LRRC4C: variants seen among roughly 807,000 people sequenced by gnomAD.
The protein encoded by LRRC4C is leucine rich repeat containing 4C, also known as leucine-rich repeat-containing protein 4C.
Under a neutral mutation model 33.6 loss-of-function variants are expected in LRRC4C, and 5 were observed. The observed-to-expected ratio is 0.15, with a 90% confidence interval of 0.08 to 0.31. The LOEUF (loss-of-function observed/expected upper bound fraction) is 0.31. Ranked by LOEUF, LRRC4C falls within the 10% of genes least tolerant of loss-of-function variation. The pLI is 1.00. For synonymous variants in LRRC4C, 329 were observed against 302.0 expected (o/e 1.09, Z -0.93); for missense variants, 560 against 796.7 (o/e 0.70, Z 3.58).
At chr11:40,645,401 T>C (rs551252160) in intron 3 of LRRC4C, among the ~76,000 whole-genome samples, 26 of 152,286 alleles carry the variant, frequency 1.7e-4, no homozygotes, top group African/African-American at 6.3e-4. Context: ...TTTGAGATGC[T>C]GGGTCTCGGT....
chr11:41,216,087 C>T (rs143969289), intron 1 of LRRC4C, among the ~76,000 whole-genome samples: 57 of 152,278 alleles, frequency 3.7e-4, no homozygotes, highest in African/African-American at 1.1e-3. Flanking sequence ...GATATTTTAC[C>T]TTCTTAAAGA....
chr11:40,584,416 A>G (rs982344079), intron 3 of LRRC4C, among the ~76,000 whole-genome samples: 3 of 151,780 alleles, frequency 2.0e-5, no homozygotes, highest in Non-Finnish European at 2.9e-5. Flanking sequence ...TACTAGCTTG[A>G]TGACAGTATT....
chr11:40,385,339 A>G (rs1167056585), intron 3 of LRRC4C, among the ~76,000 whole-genome samples: 1 of 152,254 alleles, frequency 6.6e-6, no homozygotes, highest in Non-Finnish European at 1.5e-5. Context: ...AACTTTTTTC[A>G]TCTGCTTAGC....
chr11:41,302,836 T>A (rs1950322911), intron 1 of LRRC4C, among the ~76,000 whole-genome samples: 1 of 152,148 alleles, frequency 6.6e-6, no homozygotes, highest in Non-Finnish European at 1.5e-5. Context: ...AATATCACAA[T>A]TGCCCACTAT....
chr11:40,219,486 G>A (rs1244275122), intron 5 of LRRC4C, among the ~76,000 whole-genome samples: 6 of 152,086 alleles, frequency 3.9e-5, no homozygotes, highest in Non-Finnish European at 7.4e-5. Context: ...TCCTTGGCCC[G>A]TATGAGATAT....
In LRRC4C at chr11:40,585,691, C is replaced by T. The variant is rs536713154; in HGVS notation, c.-270+62451G>A. ...CCTGTGTCCATGTGATCTCATTGTT[C>T]AATTCCCACCTATGAGGGAGAATAT... On this transcript the variant is annotated intron_variant, in intron 3 of 6. Transcript: ENST00000528697. Among the ~76,000 whole-genome samples the T allele has an allele frequency of 4.9e-4, 67 of 137,312 alleles. 1 individual carries two copies. The highest frequency in any genetic ancestry group is 1.7e-3 in the African/African-American group (65 of 37,172). The allele number at this position is 137,312 out of a possible 152,430, so 90.1% of individuals were successfully genotyped here.
chr11:41,162,610 T>A lies in LRRC4C; in HGVS notation c.-495-228887A>T, dbSNP rs543517608. On this transcript the variant is annotated intron_variant, in intron 1 of 6. Coordinates refer to ENST00000528697, the MANE Select transcript of LRRC4C (RefSeq NM_001258419.2). ...CTGTACGGTATGTTATTGTATCATATTGTAGGCAAGTAACACAATGGCAAT... is the reference window on the plus strand; with the variant it reads ...CTGTACGGTATGTTATTGTATCATAATGTAGGCAAGTAACACAATGGCAAT... 3.3e-4 allele frequency among the ~76,000 whole-genome samples: 50 copies of A among 152,338 alleles called. No individual in the cohort carries two copies. In the South Asian group the frequency reaches 9.9e-3, roughly 30 times the overall value.
intron 3 of LRRC4C, among the ~76,000 whole-genome samples, chr11:40,632,931 G>A (rs113825128): frequency 2.9e-3 from 438 of 152,322 alleles, no homozygotes; most frequent in African/African-American, 0.01. Flanking sequence ...ACAGACTTTA[G>A]AATGGGAATT....
intron 3 of LRRC4C, among the ~76,000 whole-genome samples, chr11:40,421,644 A>C (rs565178270): frequency 6.6e-6 from 1 of 152,334 alleles, no homozygotes; most frequent in South Asian, 2.1e-4. Context: ...TCATCGACCC[A>C]CAACTTTTTC....
At chr11:40,853,882 G>T (rs545650409) in intron 2 of LRRC4C, among the ~76,000 whole-genome samples, 10 of 152,088 alleles carry the variant, frequency 6.6e-5, no homozygotes, top group African/African-American at 9.7e-5. Context: ...AAAGACAGGT[G>T]GTAGAAGGAT....
rs1591785510 is a variant in LRRC4C at position 40,812,068 on chromosome 11, T to C, written c.-407+121567A>G. On this transcript the variant is annotated intron_variant, in intron 2 of 6. Coordinates refer to ENST00000528697, the MANE Select transcript of LRRC4C (RefSeq NM_001258419.2). ...CTTCTCTCTAATTGCTATTGCATTG[T>C]AAGTACTGCCCAGTTTAACATGTAA... Among the ~76,000 whole-genome samples, 3 of 152,348 alleles carry C rather than the reference T, an allele frequency of 2.0e-5. No individual in the cohort carries two copies. In the South Asian group the frequency reaches 6.2e-4, roughly 32 times the overall value.
At chr11:41,448,948 T>C (rs1043069486) in intron 1 of LRRC4C, among the ~76,000 whole-genome samples, 6 of 152,250 alleles carry the variant, frequency 3.9e-5, no homozygotes, top group Admixed American at 3.9e-4. Context: ...AATATTGTAC[T>C]TTTTAAAAGA....
At chr11:40,336,141 A>C (rs941833253) in intron 3 of LRRC4C, among the ~76,000 whole-genome samples, 25 of 152,210 alleles carry the variant, frequency 1.6e-4, no homozygotes, top group Non-Finnish European at 3.1e-4. Context: ...AATAGCAGTC[A>C]AAACAAAATC....
chr11:40,680,847 C>T (rs1011727293), intron 2 of LRRC4C, among the ~76,000 whole-genome samples: 15 of 152,080 alleles, frequency 9.9e-5, no homozygotes, highest in Non-Finnish European at 1.8e-4. Context: ...AATAATGTAA[C>T]TTTAACATGC....
At chr11:41,214,419 G>C (rs973775643) in intron 1 of LRRC4C, among the ~76,000 whole-genome samples, 1 of 151,554 alleles carries the variant, frequency 6.6e-6, no homozygotes, top group Non-Finnish European at 1.5e-5. Context: ...GTATAACAAT[G>C]GCTGGCAACT....
intron 4 of LRRC4C, among the ~76,000 whole-genome samples, chr11:40,258,683 T>A (rs576569655): frequency 6.6e-6 from 1 of 152,206 alleles, no homozygotes; most frequent in Non-Finnish European, 1.5e-5. Flanking sequence ...AGCCTATAAT[T>A]ACATTTGACT....
At chr11:41,027,095 C>G (rs1258062714) in intron 1 of LRRC4C, among the ~76,000 whole-genome samples, 1 of 151,562 alleles carries the variant, frequency 6.6e-6, no homozygotes, top group Non-Finnish European at 1.5e-5. Flanking sequence ...AATAATGTAG[C>G]AAGTGCCTAA....
At chr11:41,208,290 G>T (rs1305005641) in intron 1 of LRRC4C, among the ~76,000 whole-genome samples, 1 of 152,216 alleles carries the variant, frequency 6.6e-6, no homozygotes, top group African/African-American at 2.4e-5. Context: ...TCATAAAATT[G>T]TTGAAGTTAC....
chr11:40,628,416 T>C (rs1963161846), intron 3 of LRRC4C, among the ~76,000 whole-genome samples: 1 of 152,116 alleles, frequency 6.6e-6, no homozygotes, highest in Non-Finnish European at 1.5e-5. Context: ...AGGCAGAGCT[T>C]GCAGTGAGCC....
Sources: allele counts gnomAD v4.1 joint callset (sites outside exome capture counted in the v4.1 genomes callset), GRCh38; gene constraint gnomAD v4.1.1; transcripts MANE v1.5; gene names NCBI Gene and HGNC (gene_info 2026-07-23, HGNC 2026-07-21).